ANKS1B: variants seen among roughly 807,000 people sequenced by gnomAD.
ANKS1B encodes ankyrin repeat and sterile alpha motif domain containing 1B, also known as ankyrin repeat and sterile alpha motif domain-containing protein 1B.
Under a neutral mutation model 148.3 loss-of-function variants are expected in ANKS1B, and 36 were observed. The observed-to-expected ratio is 0.24, with a 90% CI of 0.19 to 0.32. ANKS1B has a LOEUF of 0.32. ANKS1B is among the 10% of genes least tolerant of loss of function. ANKS1B has a pLI of 1.00. For synonymous variants in ANKS1B, 542 were observed against 560.8 expected, an observed-to-expected ratio of 0.97 and a Z score of 0.47; for missense variants, 1,157 against 1,542.6, an observed-to-expected ratio of 0.75 and a Z score of 4.19.
chr12:99,566,323 CA>C (rs1441912209), intron 9 of ANKS1B, among the ~76,000 whole-genome samples: 1 of 152,294 alleles, frequency 6.6e-6, no homozygotes, highest in Admixed American at 6.5e-5. Context: ...TCATTGCCCA[CA>C]AGTTCTTCTT....
At chr12:99,569,767 C>T (rs2097432650) in intron 9 of ANKS1B, among the ~76,000 whole-genome samples, 1 of 152,210 alleles carries the variant, frequency 6.6e-6, no homozygotes, top group East Asian at 1.9e-4. Context: ...CATCCCAGAT[C>T]AGAACTTGCC....
At chr12:99,490,111 ATGTCTTTGT>A (rs1387094427) in intron 10 of ANKS1B, among the ~76,000 whole-genome samples, 1 of 152,188 alleles carries the variant, frequency 6.6e-6, no homozygotes, top group Non-Finnish European at 1.5e-5. Flanking sequence ...TATGTTTAAT[ATGTCTTTGT>A]TGTCTTTGTG....
intron 22 of ANKS1B, among the ~76,000 whole-genome samples, chr12:98,782,413 C>A (rs1478503537): frequency 6.6e-6 from 1 of 152,204 alleles, no homozygotes. Context: ...CAAGAACCTT[C>A]CACTTTGAGC....
At chr12:99,057,377 G>A (rs1018738634) in intron 16 of ANKS1B, among the ~76,000 whole-genome samples, 1 of 152,022 alleles carries the variant, frequency 6.6e-6, no homozygotes, top group African/African-American at 2.4e-5. Flanking sequence ...TGCTTATTTT[G>A]AAATTGCATA....
intron 11 of ANKS1B, among the ~76,000 whole-genome samples, chr12:99,429,471 G>A (rs1163710599): frequency 6.6e-6 from 1 of 152,172 alleles, no homozygotes; most frequent in African/African-American, 2.4e-5. Context: ...AATTATTCCA[G>A]ATCAAATGAG....
Position 99,089,115 on chromosome 12 carries a change from G to A in ANKS1B, c.2527-4092C>T, listed in dbSNP as rs558569378. ...GCTGGGATTACAGGCGTGAGCAACC[G>A]CTCATTTTTCTCAATAAAAACTGAA... On this transcript the variant is annotated intron_variant, in intron 15 of 26. Coordinates refer to ENST00000683438, the MANE Select transcript of ANKS1B (RefSeq NM_001352186.2). Among the ~76,000 whole-genome samples the A allele has an allele frequency of 9.2e-5, 14 of 151,744 alleles. No individual in the cohort carries two copies. The South Asian group carries it at 1.9e-3, about 20-fold the overall frequency.
intron 9 of ANKS1B, among the ~76,000 whole-genome samples, chr12:99,584,935 T>C (rs2097613762): frequency 6.6e-6 from 1 of 152,036 alleles, no homozygotes; most frequent in Non-Finnish European, 1.5e-5. Context: ...AAGATGAGAT[T>C]TGGGTGAGGA....
chr12:99,622,742 G>T (rs1039951447), intron 9 of ANKS1B, among the ~76,000 whole-genome samples: 1 of 151,792 alleles, frequency 6.6e-6, no homozygotes, highest in Non-Finnish European at 1.5e-5. Flanking sequence ...TTCCAAAACT[G>T]AATCAGTAAG....
chr12:99,910,710 T>C (rs1165815288), intron 1 of ANKS1B, among the ~76,000 whole-genome samples: 2 of 151,952 alleles, frequency 1.3e-5, no homozygotes, highest in Middle Eastern at 3.4e-3. Flanking sequence ...ATGAGAATTA[T>C]ATCTCAATAA....
At chr12:99,731,413 C>CAT (rs1237223581) in intron 8 of ANKS1B, among the ~76,000 whole-genome samples, 63 of 143,836 alleles carry the variant, frequency 4.4e-4, no homozygotes, top group Non-Finnish European at 8.8e-4. Context: ...ACCACCGTGC[C>CAT]GTGTGTGTGT....
At chr12:99,331,846 T>C (rs969612867) in intron 12 of ANKS1B, among the ~76,000 whole-genome samples, 9 of 151,812 alleles carry the variant, frequency 5.9e-5, no homozygotes, top group Admixed American at 5.9e-4. Flanking sequence ...GGAGAGAGCT[T>C]ATGTAGAGAA....
intron 15 of ANKS1B, among the ~76,000 whole-genome samples, chr12:99,129,994 T>C (rs977615481): frequency 6.6e-6 from 1 of 152,228 alleles, no homozygotes; most frequent in South Asian, 2.1e-4. Context: ...GGTCCCTTAT[T>C]TAAAATTTTA....
intron 9 of ANKS1B, among the ~76,000 whole-genome samples, chr12:99,540,342 AAAC>A (rs368263956): frequency 4.6e-5 from 7 of 152,296 alleles, no homozygotes; most frequent in African/African-American, 1.7e-4. Flanking sequence ...CTACTCTACC[AAAC>A]AACAGCAGAA....
intron 8 of ANKS1B, among the ~76,000 whole-genome samples, chr12:99,701,719 T>C (rs763367693): frequency 6.6e-6 from 1 of 152,066 alleles, no homozygotes; most frequent in Non-Finnish European, 1.5e-5. Flanking sequence ...CTGGTCACCA[T>C]CATTTTACTC....
At chr12:99,429,235 G>A (rs536690053) in intron 11 of ANKS1B, among the ~76,000 whole-genome samples, 1 of 152,238 alleles carries the variant, frequency 6.6e-6, no homozygotes, top group Admixed American at 6.5e-5. Context: ...AGTGACCAAG[G>A]TGAACATCAT....
chr12:98,822,191 A>C lies in ANKS1B; in HGVS notation c.3066+6983T>G, dbSNP rs548442253. Among the ~76,000 whole-genome samples, 259 of 152,266 alleles carry C rather than the reference A, an allele frequency of 1.7e-3. 1 individual carries two copies. Among genetic ancestry groups the C allele is most frequent in the African/African-American group, 5.9e-3 (244 of 41,550 alleles). On this transcript the variant is annotated intron_variant, in intron 19 of 26. Coordinates refer to ENST00000683438, the MANE Select transcript of ANKS1B (RefSeq NM_001352186.2). ...CTGGAAAAGTCCTTGCTGATAAATT[A>C]CTTTAGGCCTATACGCACAGAATTA...
chr12:99,477,531 C>T (rs754564885), intron 10 of ANKS1B, among the ~76,000 whole-genome samples: 12 of 152,072 alleles, frequency 7.9e-5, no homozygotes, highest in Non-Finnish European at 8.8e-5. Flanking sequence ...GCAATGCCAC[C>T]TTGAGTAAGT....
rs533436654 is a variant in ANKS1B at position 99,945,177 on chromosome 12, A to C, written c.134+38927T>G. On this transcript the variant is annotated intron_variant, in intron 1 of 26. Transcript: ENST00000683438. Reference sequence around the variant, plus strand: ...GTAAGTGATGTGAAGGTGATGTGCTATGGGGACTGGAGGGGAAACATTCCA... The same window carrying C: ...GTAAGTGATGTGAAGGTGATGTGCTCTGGGGACTGGAGGGGAAACATTCCA... Among the ~76,000 whole-genome samples, 3 of 152,244 alleles carry C rather than the reference A, an allele frequency of 2.0e-5. No homozygotes were observed. In the South Asian group the frequency reaches 6.2e-4, roughly 32 times the overall value.
At chr12:99,407,952 A>G (rs1229937949) in intron 11 of ANKS1B, among the ~76,000 whole-genome samples, 1 of 146,194 alleles carries the variant, frequency 6.8e-6, no homozygotes, top group African/African-American at 2.6e-5. Flanking sequence ...CAATGCAATC[A>G]TTAACAAAAT....
Sources: gnomAD v4.1 joint callset for allele counts (sites outside exome capture counted in the v4.1 genomes callset) on GRCh38, gnomAD v4.1.1 for gene constraint, MANE v1.5 for transcripts, NCBI Gene and HGNC (gene_info 2026-07-23, HGNC 2026-07-21) for gene names.